The following PRKAR1B variants were observed in gnomAD, a reference collection of about 807,000 sequenced individuals.
The protein encoded by PRKAR1B is cAMP-dependent protein kinase type I-beta regulatory subunit.
PRKAR1B carries 22 observed loss-of-function variants against 46.5 expected under a neutral mutation model. The ratio of observed to expected loss-of-function variants is 0.47; its 90% confidence interval spans 0.34 to 0.68. The LOEUF (loss-of-function observed/expected upper bound fraction) is 0.68, where lower values mean the gene tolerates loss of function less well. Among genes scored for constraint, PRKAR1B ranks in the 30% least tolerant of loss-of-function variants. The pLI, the probability that PRKAR1B is intolerant of heterozygous loss-of-function variation, is 0.01. For synonymous variants in PRKAR1B, 259 were observed against 217.7 expected, an observed-to-expected ratio of 1.19 and a Z score of -1.67; for missense variants, 445 against 535.6, an observed-to-expected ratio of 0.83 and a Z score of 1.67.
At chr7:591,255 G>A (rs887975292) in intron 7 of PRKAR1B, among the ~76,000 whole-genome samples, 31 of 152,242 alleles carry the variant, frequency 2.0e-4, no homozygotes, top group Non-Finnish European at 3.7e-4. Flanking sequence ...AGGCAGGGCT[G>A]GGAGCTGGCC....
chr7:575,522 T>C (rs1779768585), intron 9 of PRKAR1B, among the ~76,000 whole-genome samples: 1 of 152,200 alleles, frequency 6.6e-6, no homozygotes, highest in African/African-American at 2.4e-5. Context: ...AGCCAAGAAT[T>C]TGAAGCCATC....
chr7:704,867 G>C (rs1035644691), intron 2 of PRKAR1B, among the ~76,000 whole-genome samples: 1 of 152,128 alleles, frequency 6.6e-6, no homozygotes, highest in African/African-American at 2.4e-5. Flanking sequence ...TCAGTAGTAA[G>C]AAAACAGACA....
chr7:609,168 G>A (rs1782331196), intron 4 of PRKAR1B, among the ~76,000 whole-genome samples: 1 of 152,122 alleles, frequency 6.6e-6, no homozygotes, highest in South Asian at 2.1e-4. Flanking sequence ...CCCCGGTGGG[G>A]ACATTTCCTG....
chr7:588,842 AATGGTGGTGATGGTG>A (rs1562542454), intron 7 of PRKAR1B, among the ~76,000 whole-genome samples: 1 of 12,500 alleles, frequency 8.0e-5, no homozygotes. Context: ...TGGTGATGGT[AATGGTGGTGATGGTG>A]ATGGTGGTGA....
chr7:704,415 G>A (rs1381763479), intron 2 of PRKAR1B, among the ~76,000 whole-genome samples: 1 of 152,110 alleles, frequency 6.6e-6, no homozygotes. Context: ...ACATTAAAAG[G>A]ATGAGGTAAT....
At chr7:554,018 G>C (rs1277813832) in intron 9 of PRKAR1B, among the ~76,000 whole-genome samples, 1 of 152,276 alleles carries the variant, frequency 6.6e-6, no homozygotes, top group Non-Finnish European at 1.5e-5. Context: ...CCGGGCGCTG[G>C]AGAGAGGGAA....
chr7:620,823 T>C (rs1783072265), intron 4 of PRKAR1B, among the ~76,000 whole-genome samples: 1 of 152,218 alleles, frequency 6.6e-6, no homozygotes, highest in African/African-American at 2.4e-5. Flanking sequence ...CAAGCACAGT[T>C]AAACCATGAA....
chr7:583,630 C>G (rs1780410162), intron 8 of PRKAR1B, among the ~76,000 whole-genome samples: 1 of 129,774 alleles, frequency 7.7e-6, no homozygotes, highest in Admixed American at 7.6e-5. Context: ...ACACTCAAAC[C>G]CCCACACTCA....
intron 4 of PRKAR1B, among the ~76,000 whole-genome samples, chr7:613,166 A>C (rs1782621078): frequency 6.6e-6 from 1 of 152,090 alleles, no homozygotes; most frequent in South Asian, 2.1e-4. Context: ...TATGCACCGT[A>C]AGGCTAATAG....
intron 4 of PRKAR1B, among the ~76,000 whole-genome samples, chr7:653,007 C>T (rs569797102): frequency 1.3e-5 from 2 of 152,154 alleles, no homozygotes; most frequent in Non-Finnish European, 2.9e-5. Context: ...GTCCCAGCTC[C>T]ACCCCCAGGA....
rs561450657 is a variant in PRKAR1B at position 593,903 on chromosome 7, G to A, written c.708+2243C>T. On this transcript the variant is annotated intron_variant, in intron 7 of 10. Coordinates refer to ENST00000537384, the MANE Select transcript of PRKAR1B (RefSeq NM_001164760.2). This position sits in a 1 kb window ranked among gnomAD's most constrained non-coding sequence, Gnocchi z 6.1. The stretch of plus-strand genomic sequence containing the variant: ...GGGTGCAGAATCTGATGAAACAGCC[G>A]CCCCAAAGACTGTGCGAACGCGCCA... Among the ~76,000 whole-genome samples, 293 of 152,262 alleles carry A rather than the reference G, an allele frequency of 1.9e-3. 2 individuals are homozygous for A. Among genetic ancestry groups the A allele is most frequent in the Middle Eastern group, 3.4e-3 (1 of 294 alleles).
intron 2 of PRKAR1B, among the ~76,000 whole-genome samples, chr7:701,236 G>A (rs1159028455): frequency 1.4e-5 from 2 of 143,018 alleles, no homozygotes; most frequent in African/African-American, 5.2e-5. Flanking sequence ...AAGGAGGGAG[G>A]GAAGGAAGGA....
intron 2 of PRKAR1B, among the ~76,000 whole-genome samples, chr7:702,303 T>C (rs894785252): frequency 6.7e-6 from 1 of 149,688 alleles, no homozygotes; most frequent in Non-Finnish European, 1.5e-5. Context: ...AAAAGAAACA[T>C]AGGAAAAAAA....
chr7:701,922 G>T (rs1480311024), intron 2 of PRKAR1B, among the ~76,000 whole-genome samples: 1 of 152,164 alleles, frequency 6.6e-6, no homozygotes, highest in East Asian at 1.9e-4. Context: ...AAACACTTCA[G>T]GAACCACGGA....
chr7:642,279 C>T lies in PRKAR1B; in HGVS notation c.441-34827G>A, dbSNP rs563518079. On this transcript the variant is annotated intron_variant, in intron 4 of 10. Transcript: ENST00000537384. ...GAAGTGAGGATTAACCATAAACAGGCACAAGGGAACTTTCTGGGATGATGG... is the reference window on the plus strand; with the variant it reads ...GAAGTGAGGATTAACCATAAACAGGTACAAGGGAACTTTCTGGGATGATGG... Among the ~76,000 whole-genome samples, 9 of 152,252 alleles carry T rather than the reference C, an allele frequency of 5.9e-5. No homozygotes were observed. The South Asian group carries it at 1.7e-3, about 28-fold the overall frequency.
chr7:699,980 G>A (rs1215048298), intron 2 of PRKAR1B, among the ~76,000 whole-genome samples: 3 of 152,206 alleles, frequency 2.0e-5, no homozygotes, highest in African/African-American at 7.2e-5. Flanking sequence ...AGCGGCGTGG[G>A]CGGGGGAAGG....
At chr7:594,429 G>A (rs1781152081) in intron 7 of PRKAR1B, among the ~76,000 whole-genome samples, 1 of 152,162 alleles carries the variant, frequency 6.6e-6, no homozygotes, top group Non-Finnish European at 1.5e-5. Context: ...GGCTGCATTG[G>A]CAACAAGCCC....
intron 4 of PRKAR1B, among the ~76,000 whole-genome samples, chr7:625,496 GGACATCACTACAGGTCCCATGGACAAGA>G (rs1447500332): frequency 5.7e-4 from 86 of 152,160 alleles, no homozygotes; most frequent in Non-Finnish European, 1.0e-3. Flanking sequence ...ATGAAAGAAG[GGACATCACTACAGGTCCCATGGACAAGA>G]GACATCACTA....
chr7:621,131 G>A (rs1783088654), intron 4 of PRKAR1B, among the ~76,000 whole-genome samples: 2 of 152,202 alleles, frequency 1.3e-5, no homozygotes, highest in Admixed American at 1.3e-4. Flanking sequence ...CCTGATCACA[G>A]TACAGTACAT....
Sources: gnomAD v4.1 joint callset for allele counts (sites outside exome capture counted in the v4.1 genomes callset) on GRCh38, gnomAD v4.1.1 for gene constraint, Gnocchi (gnomAD v3.1) non-coding constraint, MANE v1.5 for transcripts, NCBI Gene and HGNC (gene_info 2026-07-23, HGNC 2026-07-21) for gene names.